Variants in ADGRL3 observed in about 807,000 individuals in gnomAD.
The protein encoded by ADGRL3 is calcium-independent alpha-latrotoxin receptor 3.
ADGRL3 carries 62 observed loss-of-function variants against 153.5 expected under a neutral mutation model. The observed-to-expected ratio is 0.40, with a 90% CI of 0.33 to 0.50. The LOEUF (loss-of-function observed/expected upper bound fraction) is 0.50, where lower values mean the gene tolerates loss of function less well. Among genes scored for constraint, ADGRL3 ranks in the 20% least tolerant of loss-of-function variants. ADGRL3 has a pLI of 0.47. For missense variants in ADGRL3, 1,641 were observed against 1,859.4 expected, an observed-to-expected ratio of 0.88 and a Z score of 2.16; for synonymous variants, 710 against 672.5, an observed-to-expected ratio of 1.06 and a Z score of -0.86.
At chr4:61,586,152 C>T (rs559986145) in intron 4 of ADGRL3, among the ~76,000 whole-genome samples, 309 of 152,056 alleles carry the variant, frequency 2.0e-3, no homozygotes, top group Non-Finnish European at 3.4e-3. Context: ...TATTCATTTT[C>T]AAGTTTATTT....
At chr4:61,562,161 C>T (rs1378799922) in intron 4 of ADGRL3, among the ~76,000 whole-genome samples, 2 of 152,078 alleles carry the variant, frequency 1.3e-5, no homozygotes, top group African/African-American at 4.8e-5. Context: ...TGTGCAGTAG[C>T]ATTATATTTA....
chr4:61,985,658 G>A lies in ADGRL3; in HGVS notation c.3236+2055G>A, dbSNP rs547652987. ...AAAAAGGGAACGACAAGAAGAGGAC[G>A]CCAGAATTATTGGGAGCATAGTTAA... is the stretch of plus-strand genomic sequence containing the variant. On this transcript the variant is annotated intron_variant, in intron 19 of 26. Transcript: ENST00000683033. Among the ~76,000 whole-genome samples the A allele has an allele frequency of 7.2e-5, 11 of 152,224 alleles. No individual in the cohort carries two copies. In the East Asian group the frequency reaches 1.5e-3, roughly 21 times the overall value.
chr4:61,409,282 A>ATT (rs1457607090), intron 2 of ADGRL3, among the ~76,000 whole-genome samples: 2 of 143,608 alleles, frequency 1.4e-5, no homozygotes, highest in East Asian at 3.9e-4. Flanking sequence ...CATAATATAT[A>ATT]TTATATATAT....
At chr4:61,286,305 CTTTTT>C (rs1215849315) in intron 1 of ADGRL3, among the ~76,000 whole-genome samples, 2 of 138,338 alleles carry the variant, frequency 1.4e-5, no homozygotes, top group Non-Finnish European at 3.2e-5. Flanking sequence ...TGAAGGTTTT[CTTTTT>C]TTTTTTTTGA....
At chr4:61,830,693 C>T (rs1008311259) in intron 9 of ADGRL3, among the ~76,000 whole-genome samples, 6 of 151,946 alleles carry the variant, frequency 3.9e-5, no homozygotes, top group East Asian at 1.9e-4. Flanking sequence ...AGTAGGAAAC[C>T]GAATGCTACA....
In ADGRL3 at chr4:61,948,159, G is replaced by T. The variant is rs1411477159; in HGVS notation, c.2688G>T (p.Met896Ile). 1.2e-6 allele frequency: 2 copies of T among 1,613,636 alleles called. No individual in the cohort carries two copies. Among genetic ancestry groups the T allele is most frequent in the African/African-American group, 1.3e-5 (1 of 75,018 alleles). Residue 896 changes from methionine (M) to isoleucine (I), a missense_variant, in exon 17 of 27, where the codon ATG becomes ATT. Physicochemically the swap from Met to Ile is conservative, Grantham distance 10. Coordinates refer to ENST00000683033, the MANE Select transcript of ADGRL3 (RefSeq NM_001387552.1). ...CSFWSYSKRT[M>I]TGYWSTQGCR... ...TTTGGAGCTACTCCAAGCGTACAAT[G>T]ACAGGTTATTGGTCAACACAAGGCT...
intron 3 of ADGRL3, among the ~76,000 whole-genome samples, chr4:61,503,049 T>C (rs1421280722): frequency 1.3e-5 from 2 of 152,156 alleles, no homozygotes; most frequent in African/African-American, 4.8e-5. Flanking sequence ...CATTAGCCAG[T>C]GGGTACTGAG....
In ADGRL3 at chr4:61,685,082, A is replaced by AT. The variant is rs1465812230; in HGVS notation, c.583+8154dup. Among the ~76,000 whole-genome samples, 9 of 151,826 alleles carry AT rather than the reference A, an allele frequency of 5.9e-5. No homozygotes were observed. The East Asian group carries it at 7.8e-4, about 13-fold the overall frequency. ...AGGCGTGCACCATCACACCTGGCTA[A>AT]TTTTTTTAATTTTTAGTAGAGACAG... On this transcript the variant is annotated intron_variant, in intron 6 of 26. Transcript: ENST00000683033.
chr4:61,929,353 A>G (rs2098807658), intron 13 of ADGRL3, among the ~76,000 whole-genome samples: 1 of 152,154 alleles, frequency 6.6e-6, no homozygotes, highest in Non-Finnish European at 1.5e-5. Flanking sequence ...TGTGGTTTAT[A>G]AAATTGTCCA....
chr4:61,466,355 A>G (rs1363426351), intron 2 of ADGRL3, among the ~76,000 whole-genome samples: 2 of 152,300 alleles, frequency 1.3e-5, no homozygotes, highest in African/African-American at 2.4e-5. Flanking sequence ...CGCTTTTGCT[A>G]TATGAAAAGA....
chr4:61,362,185 T>C lies in ADGRL3; in HGVS notation c.-239-20939T>C, dbSNP rs147633764. ...GCCTGACTAATTTTTGTATTTTTAG[T>C]AGAGACGGTGTTTCACTATGTTGAC... On this transcript the variant is annotated intron_variant, in intron 1 of 26. Transcript: ENST00000683033. 9.6e-3 allele frequency among the ~76,000 whole-genome samples: 1,458 copies of C among 151,322 alleles called. 25 individuals carry two copies. Among genetic ancestry groups the C allele is most frequent in the African/African-American group, 0.034 (1,399 of 41,312 alleles).
intron 8 of ADGRL3, among the ~76,000 whole-genome samples, chr4:61,765,356 C>G (rs572239480): frequency 6.6e-6 from 1 of 152,206 alleles, no homozygotes; most frequent in African/African-American, 2.4e-5. Context: ...CTTAAATGGG[C>G]TGTACCCTGT....
intron 9 of ADGRL3, among the ~76,000 whole-genome samples, chr4:61,847,084 G>C (rs1055792861): frequency 7.3e-5 from 11 of 151,654 alleles, no homozygotes; most frequent in African/African-American, 2.2e-4. Flanking sequence ...CATGAGATTT[G>C]GATGGGGACA....
chr4:61,676,760 G>A (rs2095209159), intron 5 of ADGRL3, 66 bp from the exon 6 acceptor site: 3 of 1,059,880 alleles, frequency 2.8e-6, no homozygotes, highest in Non-Finnish European at 4.4e-6. Context: ...TAAAATTAGT[G>A]TTGATGTTGA....
chr4:61,452,598 T>C (rs1400084983), intron 2 of ADGRL3, among the ~76,000 whole-genome samples: 1 of 152,188 alleles, frequency 6.6e-6, no homozygotes, highest in Non-Finnish European at 1.5e-5. Flanking sequence ...TTTGAAATCA[T>C]TCTCAGCTCT....
chr4:61,900,306 T>A (rs2098657303), intron 11 of ADGRL3, among the ~76,000 whole-genome samples: 1 of 152,154 alleles, frequency 6.6e-6, no homozygotes, highest in South Asian at 2.1e-4. Context: ...ATTATGTTTT[T>A]TTTTCCCCCA....
chr4:61,462,750 C>G (rs1360226584), intron 2 of ADGRL3, among the ~76,000 whole-genome samples: 3 of 152,286 alleles, frequency 2.0e-5, no homozygotes, highest in African/African-American at 7.2e-5. Context: ...ATTGGGCAAT[C>G]AGCCTAGCCA....
chr4:61,561,775 T>C lies in ADGRL3; in HGVS notation c.260-25452T>C, dbSNP rs144067359. Among the ~76,000 whole-genome samples, 928 of 152,156 alleles carry C rather than the reference T, an allele frequency of 6.1e-3. 14 individuals are homozygous for C. Among genetic ancestry groups the C allele is most frequent in the African/African-American group, 0.021 (880 of 41,476 alleles). ...TATAAACATGAATTATTATATCAAT[T>C]CTCAATAAGGTTGACTTTAGAATTA... On this transcript the variant is annotated intron_variant, in intron 4 of 26. Transcript: ENST00000683033.
intron 4 of ADGRL3, among the ~76,000 whole-genome samples, chr4:61,554,577 C>G (rs147308458): frequency 6.6e-6 from 1 of 152,050 alleles, no homozygotes; most frequent in Non-Finnish European, 1.5e-5. Flanking sequence ...TGTGTGTGCA[C>G]TGTGTGCATG....
Sources: gnomAD v4.1 joint callset for allele counts (sites outside exome capture counted in the v4.1 genomes callset) on GRCh38, gnomAD v4.1.1 for gene constraint, MANE v1.5 for transcripts, NCBI Gene and HGNC (gene_info 2026-07-23, HGNC 2026-07-21) for gene names.